CDH9: variants seen among roughly 807,000 people sequenced by gnomAD.
CDH9 encodes the protein cadherin-9.
CDH9 carries 28 observed loss-of-function variants against 70.9 expected under a neutral mutation model. That is an observed-to-expected ratio of 0.40 (90% CI 0.29 to 0.54). CDH9 has a LOEUF of 0.54. Among genes scored for constraint, CDH9 ranks in the 20% least tolerant of loss-of-function variants. The probability of loss-of-function intolerance (pLI) is 0.59; values close to 1 mark genes in which losing one functional copy is unlikely to be tolerated. For synonymous variants in CDH9, 409 were observed against 343.1 expected, an observed-to-expected ratio of 1.19 and a Z score of -2.12; for missense variants, 874 against 984.4, an observed-to-expected ratio of 0.89 and a Z score of 1.50.
At chr5:26,898,501 G>A (rs554365346) in intron 7 of CDH9, among the ~76,000 whole-genome samples, 1 of 151,630 alleles carries the variant, frequency 6.6e-6, no homozygotes, top group Non-Finnish European at 1.5e-5. Flanking sequence ...ACAGAACAGA[G>A]CCAGCAATAA....
intron 2 of CDH9, among the ~76,000 whole-genome samples, chr5:26,974,814 T>TTGTG (rs35950930): frequency 4.8e-4 from 72 of 150,092 alleles, no homozygotes; most frequent in African/African-American, 1.5e-3. Flanking sequence ...AGTTACCCTT[T>TTGTG]TGTGTGTGTG....
chr5:26,995,457 C>A (rs942466144), intron 1 of CDH9, among the ~76,000 whole-genome samples: 1 of 152,016 alleles, frequency 6.6e-6, no homozygotes, highest in African/African-American at 2.4e-5. Flanking sequence ...CTTCACAACA[C>A]GATTGGTATA....
chr5:27,008,822 C>T (rs1742910042), intron 1 of CDH9, among the ~76,000 whole-genome samples: 1 of 152,128 alleles, frequency 6.6e-6, no homozygotes, highest in African/African-American at 2.4e-5. Flanking sequence ...ACTATGACAG[C>T]TCATTGTTTG....
chr5:27,015,076 A>G (rs1743023641), intron 1 of CDH9, among the ~76,000 whole-genome samples: 1 of 151,886 alleles, frequency 6.6e-6, no homozygotes, highest in South Asian at 2.1e-4. Flanking sequence ...TTCACTTTAC[A>G]CATATTTCAC....
At chr5:27,006,108 C>A (rs1199969507) in intron 1 of CDH9, among the ~76,000 whole-genome samples, 1 of 151,974 alleles carries the variant, frequency 6.6e-6, no homozygotes, top group Non-Finnish European at 1.5e-5. Flanking sequence ...ATCTGTACAG[C>A]AAACCTCTGT....
Position 26,885,614 on chromosome 5 carries a change from T to C in CDH9, c.1882A>G (p.Ile628Val), listed in dbSNP as rs1245744078. ...GATCATTCAGAGGGGCAGAGCTTACTAAGCAGTATGAGGACACAGAGTAGA... is the reference window on the plus strand; with the variant it reads ...GATCATTCAGAGGGGCAGAGCTTACCAAGCAGTATGAGGACACAGAGTAGA... ...AILLCVLILL[I>V]LVVLFAALKR... Residue 628 changes from isoleucine to valine, a missense_variant and splice_region_variant, in exon 11 of 12, where the codon ATT becomes GTT. By Grantham distance (29) the Ile-to-Val change is conservative. Coordinates refer to ENST00000231021, the MANE Select transcript of CDH9 (RefSeq NM_016279.4). 4.3e-6 allele frequency: 7 copies of C among 1,612,586 alleles called. No individual in the cohort carries two copies. The Admixed American group carries it at 6.7e-5, about 15-fold the overall frequency.
intron 1 of CDH9, among the ~76,000 whole-genome samples, chr5:27,027,693 T>C (rs929318958): frequency 3.3e-5 from 5 of 152,048 alleles, no homozygotes; most frequent in Admixed American, 3.3e-4. Flanking sequence ...CTAAACTTCT[T>C]GTTTACTACA....
intron 1 of CDH9, among the ~76,000 whole-genome samples, chr5:27,019,975 C>A (rs1743109721): frequency 6.6e-6 from 1 of 151,724 alleles, no homozygotes; most frequent in Non-Finnish European, 1.5e-5. Context: ...AAGTGTCAGC[C>A]TGTTGGAAGG....
chr5:26,902,862 G>T, intron 6 of CDH9, 133 bp from the exon 7 acceptor site: 1 of 591,258 alleles, frequency 1.7e-6, no homozygotes, highest in South Asian at 2.2e-5. Context: ...TTGCTTCATA[G>T]GTATATGAAA....
chr5:26,961,392 C>T (rs953054390), intron 2 of CDH9, among the ~76,000 whole-genome samples: 11 of 152,082 alleles, frequency 7.2e-5, no homozygotes, highest in South Asian at 2.1e-4. Context: ...CTTGGGCCAA[C>T]ATCTCCCCAA....
chr5:26,939,440 G>A (rs1741620781), intron 2 of CDH9, among the ~76,000 whole-genome samples: 1 of 151,064 alleles, frequency 6.6e-6, no homozygotes, highest in Non-Finnish European at 1.5e-5. Context: ...GTTTAGAAAA[G>A]TATATATACA....
intron 2 of CDH9, among the ~76,000 whole-genome samples, chr5:26,920,467 C>T (rs1334456447): frequency 1.3e-5 from 2 of 151,938 alleles, no homozygotes; most frequent in African/African-American, 2.4e-5. Flanking sequence ...AGAATATAAG[C>T]CTGGCTAGAT....
chr5:26,977,461 A>T (rs1223727038), intron 2 of CDH9, among the ~76,000 whole-genome samples: 3 of 136,984 alleles, frequency 2.2e-5, no homozygotes, highest in African/African-American at 8.9e-5. Context: ...ATATAGAGAT[A>T]TATATGTGTG....
intron 2 of CDH9, among the ~76,000 whole-genome samples, chr5:26,953,281 T>C (rs1210119922): frequency 6.6e-6 from 1 of 152,236 alleles, no homozygotes; most frequent in African/African-American, 2.4e-5. Context: ...TATTATTCTA[T>C]TAAATATTTC....
intron 2 of CDH9, among the ~76,000 whole-genome samples, chr5:26,960,065 G>A (rs185321022): frequency 1.6e-3 from 241 of 151,900 alleles, no homozygotes; most frequent in African/African-American, 5.4e-3. Flanking sequence ...AATTTGGATC[G>A]TCTTTAATTC....
At chr5:27,033,795 T>G (rs1428656) in intron 1 of CDH9, among the ~76,000 whole-genome samples, 1 of 151,218 alleles carries the variant, frequency 6.6e-6, no homozygotes, top group African/African-American at 2.4e-5. Context: ...CATTTTAGAG[T>G]TGGCTGATTG....
rs1178539489 is a variant in CDH9 at position 26,910,352 on chromosome 5, G to T, written c.524-3514C>A. 5.3e-5 allele frequency among the ~76,000 whole-genome samples: 8 copies of T among 151,774 alleles called. 1 individual carries two copies. The highest frequency in any genetic ancestry group is 1.2e-4 in the Non-Finnish European group (8 of 67,948). ...CAGTATAAATGTTACTAATTTAAACGGTTTTCTACACACAGATAGTATAGA... is the reference window on the plus strand; with the variant it reads ...CAGTATAAATGTTACTAATTTAAACTGTTTTCTACACACAGATAGTATAGA... On this transcript the variant is annotated intron_variant, in intron 3 of 11. Coordinates refer to ENST00000231021, the MANE Select transcript of CDH9 (RefSeq NM_016279.4).
chr5:26,927,525 T>G (rs1440339212), intron 2 of CDH9, among the ~76,000 whole-genome samples: 2 of 152,070 alleles, frequency 1.3e-5, no homozygotes, highest in African/African-American at 4.8e-5. Context: ...AGTCCGGCTC[T>G]ATCACATACC....
chr5:26,881,425 G>A lies in CDH9; in HGVS notation c.2081C>T (p.Pro694Leu), dbSNP rs762927737. 6.2e-7 allele frequency: 1 copy of A among 1,613,394 alleles called. No homozygotes were observed. Among genetic ancestry groups the A allele is most frequent in the South Asian group, 1.1e-5 (1 of 91,062 alleles). The change falls in exon 12 of 12, where the codon CCT becomes CTT. Residue 694 changes from proline (P) to leucine (L), a missense_variant. Physicochemically the swap from Pro to Leu is moderately conservative, Grantham distance 98 (BLOSUM62 -3). Transcript: ENST00000231021. ...CCTCCTTATCTGAAAAATAGTTTCAGGCATTACATCCCGTCTAAGTTTACT... is the reference window on the plus strand; with the variant it reads ...CCTCCTTATCTGAAAAATAGTTTCAAGCATTACATCCCGTCTAAGTTTACT... ...EDSKLRRDVM[P>L]ETIFQIRRTV...
Sources: allele counts gnomAD v4.1 joint callset (sites outside exome capture counted in the v4.1 genomes callset), GRCh38; gene constraint gnomAD v4.1.1; transcripts MANE v1.5; gene names NCBI Gene and HGNC (gene_info 2026-07-23, HGNC 2026-07-21).